The following IGSF11 variants were observed in gnomAD, a reference collection of about 807,000 sequenced individuals.
IGSF11 encodes the protein immunoglobulin superfamily member 11.
IGSF11 carries 22 observed loss-of-function variants against 41.0 expected under a neutral mutation model. The ratio of observed to expected loss-of-function variants is 0.54; its 90% CI spans 0.38 to 0.77. The LOEUF is 0.77. IGSF11 is among the 30% of genes least tolerant of loss of function. The pLI, the probability that IGSF11 is intolerant of heterozygous loss-of-function variation, is 0.00. For missense variants in IGSF11, 444 were observed against 530.8 expected (o/e 0.84, Z 1.61); for synonymous variants, 219 against 201.3 (o/e 1.09, Z -0.74).
At chr3:119,022,795 G>GA (rs1939423417) in intron 1 of IGSF11, among the ~76,000 whole-genome samples, 1 of 152,164 alleles carries the variant, frequency 6.6e-6, no homozygotes, top group Non-Finnish European at 1.5e-5. Context: ...CTGCTAGTGG[G>GA]AGAAAGATCA....
At chr3:119,057,742 C>A (rs1409638010) in intron 1 of IGSF11, among the ~76,000 whole-genome samples, 2 of 152,148 alleles carry the variant, frequency 1.3e-5, no homozygotes, top group Non-Finnish European at 2.9e-5. Context: ...GCTACAGTAA[C>A]CAAAACAGCA....
At chr3:119,030,287 C>T (rs1164970071) in intron 1 of IGSF11, among the ~76,000 whole-genome samples, 1 of 152,192 alleles carries the variant, frequency 6.6e-6, no homozygotes, top group Non-Finnish European at 1.5e-5. Context: ...TTTAGTTATA[C>T]TTATCAAAAT....
chr3:119,089,083 G>A (rs1054255186), intron 1 of IGSF11, among the ~76,000 whole-genome samples: 7 of 152,058 alleles, frequency 4.6e-5, no homozygotes, highest in African/African-American at 1.7e-4. Context: ...ACTCTATGAA[G>A]CCAGCATCAG....
chr3:118,911,649 A>G (rs76758448), intron 4 of IGSF11, among the ~76,000 whole-genome samples: 2,588 of 151,196 alleles, frequency 0.017, 85 homozygotes, highest in African/African-American at 0.059. Flanking sequence ...AAAATGAGAG[A>G]AGAGAGAGAG....
At chr3:119,106,903 C>T (rs1393626872), upstream of IGSF11, among the ~76,000 whole-genome samples, 2 of 152,162 alleles carry the variant, frequency 1.3e-5, no homozygotes, top group Non-Finnish European at 2.9e-5. Flanking sequence ...CATGTCCCTA[C>T]AAAGGACATG....
At chr3:118,994,007 G>T (rs1420949349) in intron 1 of IGSF11, among the ~76,000 whole-genome samples, 1 of 152,200 alleles carries the variant, frequency 6.6e-6, no homozygotes, top group East Asian at 1.9e-4. Flanking sequence ...ATTGGTAAAT[G>T]TTGTGGTATA....
chr3:118,974,170 A>C (rs1275681283), intron 1 of IGSF11, among the ~76,000 whole-genome samples: 1 of 152,202 alleles, frequency 6.6e-6, no homozygotes, highest in Non-Finnish European at 1.5e-5. Flanking sequence ...TACAGGAGAT[A>C]AAGTGGGTTG....
chr3:119,068,942 T>A (rs1417954513), intron 1 of IGSF11, among the ~76,000 whole-genome samples: 1 of 148,318 alleles, frequency 6.7e-6, no homozygotes, highest in Non-Finnish European at 1.5e-5. Context: ...TTTTTTTTTT[T>A]TTGAGATGGA....
intron 1 of IGSF11, among the ~76,000 whole-genome samples, chr3:119,053,989 C>T (rs1170273192): frequency 1.3e-5 from 2 of 152,132 alleles, no homozygotes; most frequent in Admixed American, 6.5e-5. Flanking sequence ...ACTGGATCCT[C>T]ATCTCTCACT....
At chr3:118,917,305 C>T (rs1484153255) in intron 4 of IGSF11, among the ~76,000 whole-genome samples, 11 of 150,228 alleles carry the variant, frequency 7.3e-5, no homozygotes, top group Admixed American at 6.0e-4. Context: ...TTCAAAAAAT[C>T]AATGAATCCA....
intron 1 of IGSF11, among the ~76,000 whole-genome samples, chr3:118,945,598 G>A (rs1312917801): frequency 6.6e-6 from 1 of 152,134 alleles, no homozygotes; most frequent in African/African-American, 2.4e-5. Context: ...AAAGAATAGA[G>A]GAAGATAATG....
At chr3:118,922,232 G>A (rs1322477779) in intron 4 of IGSF11, among the ~76,000 whole-genome samples, 1 of 152,022 alleles carries the variant, frequency 6.6e-6, no homozygotes, top group Non-Finnish European at 1.5e-5. Context: ...TATTTGTTGC[G>A]AGGGCTTTCC....
At chr3:119,099,481 T>G (rs1453411546) in intron 1 of IGSF11, among the ~76,000 whole-genome samples, 1 of 152,186 alleles carries the variant, frequency 6.6e-6, no homozygotes, top group Non-Finnish European at 1.5e-5. Context: ...CTAGGAATGC[T>G]TCCCAAAGTA....
chr3:119,029,173 TACACACACACACAC>T (rs66598029), intron 1 of IGSF11, among the ~76,000 whole-genome samples: 2 of 111,512 alleles, frequency 1.8e-5, no homozygotes, highest in Non-Finnish European at 3.6e-5. Context: ...TTGGGGATAA[TACACACACACACAC>T]ACACACACAC....
chr3:119,118,737 CCT>C (rs2077293298), intron 1 of IGSF11, among the ~76,000 whole-genome samples: 1 of 152,102 alleles, frequency 6.6e-6, no homozygotes, highest in Admixed American at 6.6e-5. Flanking sequence ...ACTTTTATGC[CCT>C]GTTTCTCTTT....
At chr3:119,005,814 G>A (rs1937443161) in intron 1 of IGSF11, among the ~76,000 whole-genome samples, 1 of 111,476 alleles carries the variant, frequency 9.0e-6, no homozygotes, top group African/African-American at 5.3e-5. Context: ...TGGCTTGTAG[G>A]GTTTCTGCCG....
intron 1 of IGSF11, among the ~76,000 whole-genome samples, chr3:118,966,631 G>T (rs1023856322): frequency 2.0e-5 from 3 of 152,082 alleles, no homozygotes; most frequent in African/African-American, 4.8e-5. Flanking sequence ...TATAAGGATC[G>T]CCAGGTTCGG....
intron 1 of IGSF11, among the ~76,000 whole-genome samples, chr3:119,045,437 G>C (rs11929539): frequency 5.0e-4 from 76 of 152,320 alleles, no homozygotes; most frequent in African/African-American, 1.8e-3. Flanking sequence ...CTTTTGCGAC[G>C]GGCTTAAAAA....
At chr3:119,116,297 T>C (rs1400515147) in intron 1 of IGSF11, among the ~76,000 whole-genome samples, 1 of 152,084 alleles carries the variant, frequency 6.6e-6, no homozygotes, top group Non-Finnish European at 1.5e-5. Context: ...AATATTGGTC[T>C]TTTGCTCTTG....
Sources: gnomAD v4.1 joint callset for allele counts (sites outside exome capture counted in the v4.1 genomes callset) on GRCh38, gnomAD v4.1.1 for gene constraint, MANE v1.5 for transcripts, NCBI Gene and HGNC (gene_info 2026-07-23, HGNC 2026-07-21) for gene names.